The following CCDC171 variants were observed in gnomAD, a reference collection of about 807,000 sequenced individuals.
CCDC171 encodes the protein coiled-coil domain-containing protein 171.
In CCDC171, 177 loss-of-function variants were observed where a neutral mutation model predicts 168.2. The ratio of observed to expected loss-of-function variants is 1.05; its 90% confidence interval spans 0.93 to 1.19. The LOEUF (loss-of-function observed/expected upper bound fraction) is 1.19. CCDC171 is among the 50% of genes most tolerant of loss of function. CCDC171 has a pLI of 0.00. For missense variants in CCDC171, 1,991 were observed against 1,539.0 expected (o/e 1.29, Z -4.91); for synonymous variants, 687 against 540.8 (o/e 1.27, Z -3.75).
At chr9:15,815,928 A>T (rs140768673) in intron 21 of CCDC171, among the ~76,000 whole-genome samples, 1 of 117,528 alleles carries the variant, frequency 8.5e-6, no homozygotes, top group Non-Finnish European at 1.9e-5. Context: ...TTAAGAAAAC[A>T]ATAGCTCTCA....
chr9:15,747,079 C>T (rs961378210), intron 18 of CCDC171, among the ~76,000 whole-genome samples: 3 of 152,146 alleles, frequency 2.0e-5, no homozygotes, highest in African/African-American at 7.2e-5. Flanking sequence ...GGGGGGAGGG[C>T]GTCTGCCATT....
intron 6 of CCDC171, among the ~76,000 whole-genome samples, chr9:15,595,199 C>T (rs1192247144): frequency 6.6e-6 from 1 of 151,736 alleles, no homozygotes; most frequent in Non-Finnish European, 1.5e-5. Context: ...GCACAGCGTG[C>T]AGGTTTGTTT....
At chr9:15,798,050 A>T (rs1477490997) in intron 21 of CCDC171, among the ~76,000 whole-genome samples, 1 of 151,974 alleles carries the variant, frequency 6.6e-6, no homozygotes, top group Non-Finnish European at 1.5e-5. Flanking sequence ...CTGTGCCTTT[A>T]TAGGATGCCT....
At chr9:15,751,462 G>C (rs1359008926) in intron 18 of CCDC171, among the ~76,000 whole-genome samples, 1 of 152,164 alleles carries the variant, frequency 6.6e-6, no homozygotes, top group African/African-American at 2.4e-5. Context: ...AGCCCGCATA[G>C]CCAAGACAAT....
chr9:15,662,822 A>AG (rs1195025934), intron 8 of CCDC171, among the ~76,000 whole-genome samples: 1 of 152,054 alleles, frequency 6.6e-6, no homozygotes, highest in African/African-American at 2.4e-5. Flanking sequence ...CTAAAAAAAA[A>AG]ATACCAAAAT....
chr9:15,614,992 C>T (rs1055652110), intron 6 of CCDC171, among the ~76,000 whole-genome samples: 1 of 152,108 alleles, frequency 6.6e-6, no homozygotes, highest in African/African-American at 2.4e-5. Context: ...CTAATAATTC[C>T]AGTTTTATGT....
At chr9:15,749,094 T>G (rs34700988) in intron 18 of CCDC171, among the ~76,000 whole-genome samples, 1 of 150,318 alleles carries the variant, frequency 6.7e-6, no homozygotes, top group Non-Finnish European at 1.5e-5. Context: ...GAGATGCACA[T>G]AGGCTCAAAA....
At chr9:15,810,030 C>A (rs960450426) in intron 21 of CCDC171, among the ~76,000 whole-genome samples, 1 of 152,176 alleles carries the variant, frequency 6.6e-6, no homozygotes, top group African/African-American at 2.4e-5. Context: ...CAAGTCCCCA[C>A]TAGATGAGCT....
At chr9:15,942,120 T>A (rs1827800056) in intron 25 of CCDC171, among the ~76,000 whole-genome samples, 1 of 151,962 alleles carries the variant, frequency 6.6e-6, no homozygotes, top group Non-Finnish European at 1.5e-5. Flanking sequence ...TAACATTAAT[T>A]GTATCATATT....
At chr9:15,947,151 C>T (rs1260913988) in intron 25 of CCDC171, among the ~76,000 whole-genome samples, 1 of 151,826 alleles carries the variant, frequency 6.6e-6, no homozygotes, top group East Asian at 2.0e-4. Flanking sequence ...ATGTGTGTCA[C>T]CATTGTTATA....
intron 11 of CCDC171, among the ~76,000 whole-genome samples, chr9:15,704,095 G>A (rs985227257): frequency 5.3e-5 from 8 of 152,184 alleles, no homozygotes; most frequent in African/African-American, 1.7e-4. Flanking sequence ...TGTAAAAATC[G>A]CAATACCTGT....
chr9:16,001,228 G>A (rs1433360078), intron 3 of CCDC171, among the ~76,000 whole-genome samples: 1 of 152,106 alleles, frequency 6.6e-6, no homozygotes, highest in African/African-American at 2.4e-5. Flanking sequence ...TCAAAGTGCT[G>A]ATGGATTTTT....
At chr9:15,980,230 G>A (rs1337249235) in intron 3 of CCDC171, among the ~76,000 whole-genome samples, 4 of 152,102 alleles carry the variant, frequency 2.6e-5, no homozygotes, top group Non-Finnish European at 4.4e-5. Flanking sequence ...GTTCTGAAGT[G>A]GTTTACTAAA....
At chr9:15,892,644 A>G (rs542435556) in intron 24 of CCDC171, among the ~76,000 whole-genome samples, 1 of 152,248 alleles carries the variant, frequency 6.6e-6, no homozygotes, top group East Asian at 1.9e-4. Flanking sequence ...ACAACAGGCA[A>G]GCCGAAAGTC....
chr9:15,748,945 G>A lies in CCDC171; in HGVS notation c.2671+3314G>A, dbSNP rs2055502595. On this transcript the variant is annotated intron_variant, in intron 18 of 25. Transcript: ENST00000380701. Reference sequence around the variant, plus strand: ...ATAACCAGCTAACATCATAATGACAGGATCAAATTCACATATAACAATATT... The same window carrying A: ...ATAACCAGCTAACATCATAATGACAAGATCAAATTCACATATAACAATATT... Among the ~76,000 whole-genome samples the A allele has an allele frequency of 2.0e-5, 3 of 152,112 alleles. No individual in the cohort carries two copies. In the South Asian group the frequency reaches 6.2e-4, roughly 31 times the overall value.
In CCDC171 at chr9:15,870,921, A is replaced by T. The variant is rs948588137; in HGVS notation, c.3469-3611A>T. Among the ~76,000 whole-genome samples the T allele has an allele frequency of 6.9e-4, 104 of 151,370 alleles. 1 individual carries two copies. Among genetic ancestry groups the T allele is most frequent in the African/African-American group, 2.3e-3 (96 of 41,370 alleles). On this transcript the variant is annotated intron_variant, in intron 23 of 25. Coordinates refer to ENST00000380701, the MANE Select transcript of CCDC171 (RefSeq NM_173550.4). ...ATCACTTAAAATCTAGAACTGGATTATTATAGTAAAATATATTTTAAAATA... is the reference window on the plus strand; with the variant it reads ...ATCACTTAAAATCTAGAACTGGATTTTTATAGTAAAATATATTTTAAAATA...
chr9:15,716,381 C>T (rs78430951), intron 11 of CCDC171, among the ~76,000 whole-genome samples: 3,530 of 151,992 alleles, frequency 0.023, 108 homozygotes, highest in African/African-American at 0.063. Flanking sequence ...CATTGTTTTT[C>T]GGGCCATACT....
intron 6 of CCDC171, among the ~76,000 whole-genome samples, chr9:16,034,241 T>C (rs1271797547): frequency 3.3e-5 from 5 of 152,158 alleles, no homozygotes; most frequent in Non-Finnish European, 7.4e-5. Flanking sequence ...GTGACTTCAG[T>C]TGTGTTGGAG....
At position 15,744,352 on chromosome 9, in the gene CCDC171, A is replaced by G. The variant is rs2055108209; in HGVS notation, c.2129A>G (p.Asn710Ser). 6.2e-7 allele frequency: 1 copy of G among 1,613,934 alleles called. No individual in the cohort carries two copies. Among genetic ancestry groups the G allele is most frequent in the South Asian group, 1.1e-5 (1 of 91,046 alleles). Residue 710 changes from asparagine to serine, a missense_variant, in exon 17 of 26, where the codon AAT becomes AGT. By Grantham distance (46) the Asn-to-Ser change is conservative. Transcript: ENST00000380701. ...TCACATGAACAGTTGGTTCTTGAAA[A>G]TTCGCACTTCAAAAAACTGTTATCA... is the stretch of plus-strand genomic sequence containing the variant. Reference protein sequence around the residue: ...EKSHEQLVLENSHFKKLLSQT... With the variant: ...EKSHEQLVLESSHFKKLLSQT...
Sources: allele counts gnomAD v4.1 joint callset (sites outside exome capture counted in the v4.1 genomes callset), GRCh38; gene constraint gnomAD v4.1.1; transcripts MANE v1.5; gene names NCBI Gene and HGNC (gene_info 2026-07-23, HGNC 2026-07-21).